The following KALRN variants were observed in gnomAD, a reference collection of about 807,000 sequenced individuals.
KALRN encodes the protein kalirin RhoGEF kinase.
In KALRN, 70 loss-of-function variants were observed where a neutral mutation model predicts 353.7. The ratio of observed to expected loss-of-function variants is 0.20; its 90% confidence interval spans 0.16 to 0.24. The LOEUF is 0.24. Among genes scored for constraint, KALRN ranks in the 10% least tolerant of loss-of-function variants. KALRN has a pLI of 1.00. For missense variants in KALRN, 2,791 were observed against 3,756.7 expected, an observed-to-expected ratio of 0.74 and a Z score of 6.72; for synonymous variants, 1,391 against 1,434.8, an observed-to-expected ratio of 0.97 and a Z score of 0.69.
chr3:124,711,189 TA>T (rs994702414), intron 57 of KALRN, among the ~76,000 whole-genome samples: 3 of 152,132 alleles, frequency 2.0e-5, no homozygotes, highest in Admixed American at 6.5e-5. Flanking sequence ...ATTATTTTTT[TA>T]AAAAAAATTT....
At chr3:124,162,037 G>A (rs2070045557) in intron 1 of KALRN, among the ~76,000 whole-genome samples, 1 of 152,182 alleles carries the variant, frequency 6.6e-6, no homozygotes, top group African/African-American at 2.4e-5. Context: ...AATGTTCAAT[G>A]TAGAACTGCC....
intron 13 of KALRN, among the ~76,000 whole-genome samples, chr3:124,405,497 A>G (rs948896777): frequency 2.6e-5 from 4 of 152,188 alleles, no homozygotes; most frequent in Admixed American, 2.6e-4. Context: ...AACAAAAGAG[A>G]GATCTTTTAA....
intron 59 of KALRN, among the ~76,000 whole-genome samples, chr3:124,718,224 C>A (rs1579100700): frequency 6.7e-6 from 1 of 149,714 alleles, no homozygotes. Flanking sequence ...CAGGTTCAAG[C>A]AATTCTCTGC....
intron 6 of KALRN, among the ~76,000 whole-genome samples, chr3:124,323,932 G>A (rs1300960389): frequency 6.6e-6 from 1 of 152,128 alleles, no homozygotes; most frequent in Non-Finnish European, 1.5e-5. Context: ...GCATTTATCG[G>A]CGGTGATCAC....
At chr3:124,297,621 G>C (rs1455757710) in intron 5 of KALRN, among the ~76,000 whole-genome samples, 1 of 152,204 alleles carries the variant, frequency 6.6e-6, no homozygotes, top group Non-Finnish European at 1.5e-5. Context: ...ACATGTGATG[G>C]CTATCTTCAA....
Position 124,425,242 on chromosome 3 carries a change from G to T in KALRN, c.2709+2264G>T, listed in dbSNP as rs377119152. ...GGGTGACTATAGTTAACAATTTATTGTATATTTCAAAATAGCTAAATGAAA... is the reference window on the plus strand; with the variant it reads ...GGGTGACTATAGTTAACAATTTATTTTATATTTCAAAATAGCTAAATGAAA... On this transcript the variant is annotated intron_variant, in intron 15 of 59. Transcript: ENST00000682506. Among the ~76,000 whole-genome samples the T allele has an allele frequency of 7.9e-4, 120 of 152,180 alleles. 5 individuals carry two copies. The South Asian group carries it at 0.023, about 29-fold the overall frequency.
chr3:124,126,189 T>G (rs973652313), intron 1 of KALRN, among the ~76,000 whole-genome samples: 7 of 144,420 alleles, frequency 4.8e-5, no homozygotes, highest in African/African-American at 1.7e-4. Flanking sequence ...AATGATTCTG[T>G]TTTTTTTTCT....
In KALRN at chr3:124,632,429, C is replaced by T; in HGVS notation, c.5192C>T (p.Ser1731Phe). 6.2e-7 allele frequency: 1 copy of T among 1,613,938 alleles called. No individual in the cohort carries two copies. Among genetic ancestry groups the T allele is most frequent in the African/African-American group, 1.3e-5 (1 of 75,010 alleles). ...CFFPLVKDAY[S>F]HSSSENGGKS... ...TGTCCGTTTTCCTCAGATGCATACT[C>T]TCATTCCTCAAGCGAGAATGGAGGC... is the stretch of plus-strand genomic sequence containing the variant. Residue 1731 changes from serine to phenylalanine, a missense_variant, in exon 35 of 60, where the codon TCT becomes TTT. Physicochemically the swap from Ser to Phe is radical, Grantham distance 155. Coordinates refer to ENST00000682506, the MANE Select transcript of KALRN (RefSeq NM_001388419.1).
intron 19 of KALRN, 47 bp from the exon 20 acceptor site, chr3:124,446,114 T>C: frequency 2.2e-6 from 3 of 1,359,706 alleles, no homozygotes; most frequent in Non-Finnish European, 3.1e-6. Context: ...GTTGGTTGGA[T>C]TTGCTCAGAG....
chr3:124,406,094 CT>C (rs1442438542), intron 13 of KALRN, among the ~76,000 whole-genome samples: 2 of 152,190 alleles, frequency 1.3e-5, no homozygotes, highest in Admixed American at 6.5e-5. Context: ...GCAATATGTT[CT>C]CACATTATTT....
chr3:124,343,737 C>T (rs1043328400), intron 9 of KALRN, among the ~76,000 whole-genome samples: 5 of 152,216 alleles, frequency 3.3e-5, no homozygotes, highest in Non-Finnish European at 7.3e-5. Context: ...AGAGAAGATG[C>T]GTTTGGCTGT....
chr3:124,044,887 TTCCTTCCTTC>T lies in KALRN; in HGVS notation c.73+11075_73+11084del, dbSNP rs1169791260. On this transcript the variant is annotated intron_variant, in intron 1 of 59. Transcript: ENST00000682506. ...CTTCCTTCCTTCCTTCCTTCCTTCCTTCCTTCCTTCCTTCCTTCCTTCCTTCTCTTCCTTC... is the reference window on the plus strand; with the variant it reads ...CTTCCTTCCTTCCTTCCTTCCTTCCTCTTCCTTCCTTCCTTCTCTTCCTTC... 9.2e-3 allele frequency among the ~76,000 whole-genome samples: 243 copies of T among 26,396 alleles called. 7 individuals carry two copies. The East Asian group carries it at 0.18, about 20-fold the overall frequency. The allele number at this position is 26,396 out of a possible 152,430, so 17.3% of individuals were successfully genotyped here.
chr3:124,186,601 G>A (rs895586940), intron 1 of KALRN, among the ~76,000 whole-genome samples: 1 of 152,174 alleles, frequency 6.6e-6, no homozygotes, highest in Non-Finnish European at 1.5e-5. Context: ...TCCTAAGCAG[G>A]TGTCCAGTTA....
intron 15 of KALRN, among the ~76,000 whole-genome samples, chr3:124,427,875 T>C (rs950312345): frequency 2.6e-5 from 4 of 152,248 alleles, no homozygotes; most frequent in Non-Finnish European, 5.9e-5. Context: ...CTAGAATGAT[T>C]GATCAATGTT....
Position 124,632,510 on chromosome 3 carries a change from G to A in KALRN, c.5273G>A (p.Ser1758Asn), listed in dbSNP as rs760328888. 6.2e-7 allele frequency: 1 copy of A among 1,614,224 alleles called. No individual in the cohort carries two copies. The highest frequency in any genetic ancestry group is 1.1e-5 in the South Asian group (1 of 91,082). ...QAQPSLNSIH[S>N]SPGPKRSTNT... ...CAGCCCTCCCTGAACTCCATCCACAGTTCCCCGGGTCCCAAGCGCTCCACC... is the reference window on the plus strand; with the variant it reads ...CAGCCCTCCCTGAACTCCATCCACAATTCCCCGGGTCCCAAGCGCTCCACC... The change falls in exon 35 of 60, where the codon AGT (serine) becomes AAT (asparagine). Residue 1758 changes from serine to asparagine, a missense_variant. Transcript: ENST00000682506.
At chr3:124,247,434 G>T (rs2070451673) in intron 3 of KALRN, among the ~76,000 whole-genome samples, 2 of 114,804 alleles carry the variant, frequency 1.7e-5, no homozygotes, top group Admixed American at 1.9e-4. Context: ...TAATGTTTGT[G>T]AAAATGTTTC....
chr3:124,657,836 C>T, intron 41 of KALRN, 33 bp downstream of exon 41: 6 of 1,362,012 alleles, frequency 4.4e-6, no homozygotes, highest in Non-Finnish European at 6.3e-6. Context: ...TCCCCAACTC[C>T]TTCACTAGGC....
intron 19 of KALRN, among the ~76,000 whole-genome samples, chr3:124,444,650 G>A (rs151029449): frequency 6.6e-6 from 1 of 150,488 alleles, no homozygotes; most frequent in African/African-American, 2.5e-5. Flanking sequence ...AAAAAAAAAT[G>A]TTTACAAATT....
chr3:124,241,552 AC>A (rs2080445586), intron 3 of KALRN, among the ~76,000 whole-genome samples: 1 of 152,252 alleles, frequency 6.6e-6, no homozygotes, highest in Non-Finnish European at 1.5e-5. Context: ...TCAATATCAA[AC>A]AAAAAGTAAA....
Sources: gnomAD v4.1 joint callset for allele counts (sites outside exome capture counted in the v4.1 genomes callset) on GRCh38, gnomAD v4.1.1 for gene constraint, MANE v1.5 for transcripts, NCBI Gene and HGNC (gene_info 2026-07-23, HGNC 2026-07-21) for gene names.